SMIM30: variants seen among roughly 807,000 people sequenced by gnomAD.
SMIM30 encodes the protein small integral membrane protein 30.
For synonymous variants in SMIM30, 19 were observed against 11.5 expected, an observed-to-expected ratio of 1.65 and a Z score of -1.31; for missense variants, 43 against 27.6, an observed-to-expected ratio of 1.56 and a Z score of -1.25.
Position 113,117,157 on chromosome 7 carries a change from CTTCT to C in SMIM30, c.*238_*241del, listed in dbSNP as rs1393565939. The C allele has an allele frequency of 6.6e-6, 3 of 455,028 alleles. No individual in the cohort carries two copies. Among genetic ancestry groups the C allele is most frequent in the African/African-American group, 5.8e-5 (3 of 51,304 alleles). The allele number at this position is 455,028 out of a possible 1,614,324, so 28.2% of individuals were successfully genotyped here. A position where few individuals can be genotyped will look rare whatever the true frequency, so the allele number is the denominator to read the frequency against. ...ACTTATGTAAATTTCAGCCATCTTACTTCTTTGACTACCTAACTAGCAAATTATA... is the reference window on the plus strand; with the variant it reads ...ACTTATGTAAATTTCAGCCATCTTACTTGACTACCTAACTAGCAAATTATA... On this transcript the variant is annotated 3_prime_UTR_variant, in exon 3 of 3. Coordinates refer to ENST00000397764, the MANE Select transcript of SMIM30 (RefSeq NM_001352688.2).
At chr7:113,117,698 C>G (rs1794706665) in intron 2 of SMIM30, 91 bp from the exon 3 acceptor site, 1 of 675,146 alleles carries the variant, frequency 1.5e-6, no homozygotes, top group Non-Finnish European at 2.7e-6. Flanking sequence ...AACAGGCCAG[C>G]CAATCTTTTG....
At chr7:113,117,713 C>T (rs1794707065) in intron 2 of SMIM30, 106 bp from the exon 3 acceptor site, 1 of 656,062 alleles carries the variant, frequency 1.5e-6, no homozygotes, top group South Asian at 1.7e-5. Context: ...CTTTTGGATA[C>T]TTTATGAATC....
chr7:113,118,209 AAATT>A (rs1794718904), intron 1 of SMIM30, 48 bp from the exon 2 acceptor site: 1 of 431,402 alleles, frequency 2.3e-6, no homozygotes. Flanking sequence ...AAGGATTTAA[AAATT>A]AATTATTATT....
Position 113,118,142 on chromosome 7 carries a change from G to T in SMIM30, c.-104C>A, listed in dbSNP as rs968952577. The T allele has an allele frequency of 8.8e-6, 4 of 453,780 alleles. No individual in the cohort carries two copies. The highest frequency in any genetic ancestry group is 8.0e-5 in the African/African-American group (4 of 49,694). 28.1% of individuals were successfully genotyped at this position (453,780 alleles called of 1,614,324 possible). On this transcript the variant is annotated 5_prime_UTR_variant, in exon 2 of 3. Coordinates refer to ENST00000397764, the MANE Select transcript of SMIM30 (RefSeq NM_001352688.2). Reference sequence around the variant, plus strand: ...CTGGAGCTCCGGATGCTGAGATTAAGAGGTTCCACGTGACACGACCTATTA... The same window carrying T: ...CTGGAGCTCCGGATGCTGAGATTAATAGGTTCCACGTGACACGACCTATTA...
In SMIM30 at chr7:113,117,227, T is replaced by A; in HGVS notation, c.*172A>T. 3.7e-6 allele frequency: 2 copies of A among 537,534 alleles called. No individual in the cohort carries two copies. Among genetic ancestry groups the A allele is most frequent in the African/African-American group, 1.9e-5 (1 of 52,700 alleles). The allele number at this position is 537,534 out of a possible 1,614,324, so 33.3% of individuals were successfully genotyped here. ...TGCATTATTTGTTGTAAAGAAAACA[T>A]TTTTTTTTCAATTTATAAATGTATG... is the stretch of plus-strand genomic sequence containing the variant. On this transcript the variant is annotated 3_prime_UTR_variant, in exon 3 of 3. Transcript: ENST00000397764.
At chr7:113,117,883 G>C (rs1563005236) in intron 2 of SMIM30, 185 bp downstream of exon 2, 7 of 403,250 alleles carry the variant, frequency 1.7e-5, no homozygotes, top group South Asian at 1.6e-4. Flanking sequence ...AAATTGAACA[G>C]GAGTTCATAA....
rs995985328 is a variant in SMIM30 at position 113,117,451 on chromosome 7, C to A, written c.128G>T (p.Gly43Val). 4.3e-6 allele frequency: 3 copies of A among 702,830 alleles called. No homozygotes were observed. Among genetic ancestry groups the A allele is most frequent in the African/African-American group, 3.5e-5 (2 of 57,200 alleles). The allele number at this position is 702,830 out of a possible 1,614,324, so 43.5% of individuals were successfully genotyped here. A position where few individuals can be genotyped will look rare whatever the true frequency, so the allele number is the denominator to read the frequency against. ...ATATACCCCCAAGCAGGCACAAATG[C>A]CTGTAATGCTGAGAACCACACCTAA... ...LLLGVVLSIT[G>V]ICACLGVYAR... Residue 43 changes from glycine (G) to valine (V), a missense_variant, in exon 3 of 3, where the codon GGC becomes GTC. Physicochemically the swap from Gly to Val is moderately radical, Grantham distance 109 (BLOSUM62 -3). Transcript: ENST00000397764.
intron 1 of SMIM30, 39 bp downstream of exon 1, chr7:113,118,489 G>A (rs1794724922): frequency 2.2e-6 from 1 of 456,132 alleles, no homozygotes; most frequent in Admixed American, 2.3e-5. Flanking sequence ...ATACACTGGT[G>A]CAACCTAAGT....
chr7:113,117,899 A>T (rs995919982), intron 2 of SMIM30, 169 bp downstream of exon 2: 4 of 382,244 alleles, frequency 1.0e-5, no homozygotes, highest in Non-Finnish European at 2.0e-5. Flanking sequence ...CATAATTAAG[A>T]ACAAACAGAA....
Position 113,118,523 on chromosome 7 carries a change from A to G in SMIM30, c.-124+5T>C, listed in dbSNP as rs1200623892. On this transcript the variant is annotated splice_donor_5th_base_variant and intron_variant, in intron 1 of 2. Coordinates refer to ENST00000397764, the MANE Select transcript of SMIM30 (RefSeq NM_001352688.2). ...GTATCCTTTGGAGACGAGTTCGTAC[A>G]TTACCTTCTAGGAAGCAGCCATTAC... 8.8e-6 allele frequency: 4 copies of G among 455,968 alleles called. No homozygotes were observed. The Admixed American group carries it at 9.4e-5, about 11-fold the overall frequency. 28.2% of individuals were successfully genotyped at this position (455,968 alleles called of 1,614,324 possible). A position where few individuals can be genotyped will look rare whatever the true frequency, so the allele number is the denominator to read the frequency against.
chr7:113,118,300 T>C (rs1004548523), intron 1 of SMIM30, 139 bp from the exon 2 acceptor site: 2 of 423,946 alleles, frequency 4.7e-6, no homozygotes, highest in African/African-American at 4.1e-5. Flanking sequence ...GGATAGGTAA[T>C]GAGTTGAGAA....
intron 2 of SMIM30, 179 bp from the exon 3 acceptor site, chr7:113,117,786 T>C (rs2115876435): frequency 1.7e-6 from 1 of 572,382 alleles, no homozygotes; most frequent in East Asian, 3.0e-5. Context: ...GACAGTAATT[T>C]GAGGTTCATC....
chr7:113,117,707 T>C, intron 2 of SMIM30, 100 bp from the exon 3 acceptor site: 1 of 668,410 alleles, frequency 1.5e-6, no homozygotes, highest in Non-Finnish European at 2.7e-6. Flanking sequence ...GCCAATCTTT[T>C]GGATACTTTA....
Position 113,116,835 on chromosome 7 carries a change from A to G in SMIM30, c.*564T>C, listed in dbSNP as rs1293595448. ...AAATCTCTTTTCCATGTCAATGTCT[A>G]TAGTTTTTTTTTAACATTAAATTTT... On this transcript the variant is annotated 3_prime_UTR_variant, in exon 3 of 3. Coordinates refer to ENST00000397764, the MANE Select transcript of SMIM30 (RefSeq NM_001352688.2). 2 of 136,238 alleles carry G rather than the reference A, an allele frequency of 1.5e-5. No individual in the cohort carries two copies. The highest frequency in any genetic ancestry group is 6.6e-5 in the African/African-American group (2 of 30,316). The allele number at this position is 136,238 out of a possible 1,614,324, so 8.4% of individuals were successfully genotyped here.
chr7:113,117,025 G>A lies in SMIM30; in HGVS notation c.*374C>T, dbSNP rs1794691216. The A allele has an allele frequency of 1.1e-5, 2 of 188,712 alleles. No homozygotes were observed. The highest frequency in any genetic ancestry group is 1.1e-4 in the Admixed American group (2 of 18,704). The allele number at this position is 188,712 out of a possible 1,614,324, so 11.7% of individuals were successfully genotyped here. A position where few individuals can be genotyped will look rare whatever the true frequency, so the allele number is the denominator to read the frequency against. ...TTTAAAAGACTCCTCAACGATTCAG[G>A]AGGCAGTGATTATAACCGAACAGTG... On this transcript the variant is annotated 3_prime_UTR_variant, in exon 3 of 3. Transcript: ENST00000397764.
In SMIM30 at chr7:113,117,188, G is replaced by C; in HGVS notation, c.*211C>G. ...TGACTACCTAACTAGCAAATTATAG[G>C]CTGCATTTTTCTGTGCATTATTTGT... On this transcript the variant is annotated 3_prime_UTR_variant, in exon 3 of 3. Coordinates refer to ENST00000397764, the MANE Select transcript of SMIM30 (RefSeq NM_001352688.2). 1 of 506,398 alleles carries C rather than the reference G, an allele frequency of 2.0e-6. No individual in the cohort carries two copies. The highest frequency in any genetic ancestry group is 3.5e-6 in the Non-Finnish European group (1 of 282,116). 31.4% of individuals were successfully genotyped at this position (506,398 alleles called of 1,614,324 possible). A position where few individuals can be genotyped will look rare whatever the true frequency, so the allele number is the denominator to read the frequency against.
At chr7:113,117,770 G>A (rs1383515043) in intron 2 of SMIM30, 163 bp from the exon 3 acceptor site, 2 of 585,634 alleles carry the variant, frequency 3.4e-6, no homozygotes, top group Middle Eastern at 8.8e-4. Flanking sequence ...ACAGAGGGAC[G>A]TTAAAGACAG....
chr7:113,118,400 T>C, intron 1 of SMIM30, 128 bp downstream of exon 1: 1 of 455,312 alleles, frequency 2.2e-6, no homozygotes, highest in Non-Finnish European at 4.4e-6. Context: ...GATAATTTCA[T>C]TTCAGGACTT....
intron 2 of SMIM30, chr7:113,117,824 C>A (rs1794710604): frequency 2.0e-6 from 1 of 506,016 alleles, no homozygotes; most frequent in South Asian, 2.1e-5. Flanking sequence ...CACTCTAAAC[C>A]CAGGAATTTT....
Sources: allele counts gnomAD v4.1 joint callset, GRCh38; gene constraint gnomAD v4.1.1; transcripts MANE v1.5; gene names NCBI Gene and HGNC (gene_info 2026-07-23, HGNC 2026-07-21).